Variants in TOMM40 observed in about 807,000 individuals in gnomAD.
TOMM40 encodes the protein translocase of outer mitochondrial membrane 40, also known as mitochondrial import receptor subunit TOM40 homolog.
In TOMM40, 9 loss-of-function variants were observed where a neutral mutation model predicts 38.4. The observed-to-expected ratio is 0.23, with a 90% confidence interval of 0.14 to 0.41. The LOEUF (loss-of-function observed/expected upper bound fraction) is 0.41. Among genes scored for constraint, TOMM40 ranks in the 10% least tolerant of loss-of-function variants. TOMM40 has a pLI of 1.00. For missense variants in TOMM40, 299 were observed against 486.5 expected, an observed-to-expected ratio of 0.61 and a Z score of 3.63; for synonymous variants, 184 against 210.0, an observed-to-expected ratio of 0.88 and a Z score of 1.07.
chr19:44,901,454 T>C, intron 8 of TOMM40, 144 bp downstream of exon 8: 1 of 1,478,456 alleles, frequency 6.8e-7, no homozygotes, highest in Non-Finnish European at 9.0e-7. Flanking sequence ...TGTTAAAAGG[T>C]AGGTGGGGCC....
intron 5 of TOMM40, among the ~76,000 whole-genome samples, chr19:44,898,525 C>CTTTTTTTTTT (rs71173106): frequency 6.2e-4 from 55 of 88,998 alleles, no homozygotes; most frequent in East Asian, 9.6e-4. Flanking sequence ...TTTTTTTTTT[C>CTTTTTTTTTT]TTTTTTTTTT....
intron 5 of TOMM40, among the ~76,000 whole-genome samples, chr19:44,895,459 A>C (rs157590): frequency 0.59 from 89,369 of 151,798 alleles, 28,236 homozygotes; most frequent in African/African-American, 0.84. Flanking sequence ...AGGAAGAAAC[A>C]TTTCCTGTCC....
intron 1 of TOMM40, among the ~76,000 whole-genome samples, chr19:44,892,144 C>T (rs1245305758): frequency 6.6e-6 from 1 of 152,180 alleles, no homozygotes; most frequent in East Asian, 1.9e-4. Flanking sequence ...TGGGACAATT[C>T]TGTGTGGTGA....
intron 5 of TOMM40, among the ~76,000 whole-genome samples, chr19:44,895,978 C>G (rs1969557610): frequency 6.6e-6 from 1 of 152,226 alleles, no homozygotes; most frequent in Non-Finnish European, 1.5e-5. Context: ...CTTGCGTGCG[C>G]ATGTCGCCCT....
intron 2 of TOMM40, 73 bp downstream of exon 2, chr19:44,892,533 C>T: frequency 7.3e-7 from 1 of 1,363,882 alleles, no homozygotes; most frequent in Admixed American, 1.7e-5. Context: ...GCACACTCGG[C>T]CCAATTACTC....
chr19:44,903,134 A>C lies in TOMM40; in HGVS notation c.1051A>C (p.Lys351Gln). Residue 351 changes from lysine (K) to glutamine (Q), a missense_variant, in exon 9 of 9, where the codon AAG becomes CAG. Transcript: ENST00000426677. ...LGAFLNHRKN[K>Q]FQCGFGLTIG ...GGCCTTCCTGAATCACCGCAAGAAC[A>C]AGTTTCAGTGTGGCTTTGGCCTCAC... is the stretch of plus-strand genomic sequence containing the variant. 1 of 1,611,968 alleles carries C rather than the reference A, an allele frequency of 6.2e-7. No individual in the cohort carries two copies. The highest frequency in any genetic ancestry group is 8.5e-7 in the Non-Finnish European group (1 of 1,179,866).
chr19:44,891,803 A>G, intron 1 of TOMM40, 114 bp downstream of exon 1: 1 of 1,127,778 alleles, frequency 8.9e-7, no homozygotes, highest in Non-Finnish European at 1.2e-6. Context: ...TAACAGCACT[A>G]GGAGGTGATG....
chr19:44,897,637 C>T (rs951827180), intron 5 of TOMM40, among the ~76,000 whole-genome samples: 5 of 151,516 alleles, frequency 3.3e-5, no homozygotes, highest in South Asian at 2.1e-4. Flanking sequence ...ATTTTTGCGT[C>T]GTGGCACATG....
intron 3 of TOMM40, 81 bp from the exon 4 acceptor site, chr19:44,893,699 C>T: frequency 4.9e-6 from 6 of 1,223,508 alleles, no homozygotes; most frequent in Non-Finnish European, 6.9e-6. Flanking sequence ...GCTTTCTGAC[C>T]CTAGGCTTCT....
intron 7 of TOMM40, 21 bp from the exon 8 acceptor site, chr19:44,901,187 G>A (rs1192566868): frequency 6.2e-6 from 10 of 1,613,930 alleles, no homozygotes; most frequent in Non-Finnish European, 8.5e-6. Context: ...TAATTCTCAT[G>A]TGTTGCTCCG....
At chr19:44,901,520 AG>A in intron 8 of TOMM40, 1 of 1,329,772 alleles carries the variant, frequency 7.5e-7, no homozygotes, top group Non-Finnish European at 1.0e-6. Flanking sequence ...AGGCGGGCCG[AG>A]GTAAGGAGAT....
chr19:44,894,259 G>GTT (rs758995679), intron 5 of TOMM40, among the ~76,000 whole-genome samples, 193 bp downstream of exon 5: 2 of 91,418 alleles, frequency 2.2e-5, no homozygotes, highest in Admixed American at 1.1e-4. Context: ...AGTCAGAGCA[G>GTT]TCTTTTTTTT....
chr19:44,895,854 C>T lies in TOMM40; in HGVS notation c.643+1788C>T, dbSNP rs142881549. Reference sequence around the variant, plus strand: ...GAGCCACCGCGCCCGGCCGACCATGCAAGCTTTTCTGACGGTTCCTGAAAC... The same window carrying T: ...GAGCCACCGCGCCCGGCCGACCATGTAAGCTTTTCTGACGGTTCCTGAAAC... On this transcript the variant is annotated intron_variant, in intron 5 of 8. Transcript: ENST00000426677. Among the ~76,000 whole-genome samples, 10 of 152,258 alleles carry T rather than the reference C, an allele frequency of 6.6e-5. No homozygotes were observed. The East Asian group carries it at 1.9e-3, about 29-fold the overall frequency.
chr19:44,891,904 A>G (rs1452275650), intron 1 of TOMM40, among the ~76,000 whole-genome samples: 1 of 152,136 alleles, frequency 6.6e-6, no homozygotes, highest in African/African-American at 2.4e-5. Context: ...CAGTAGAGAA[A>G]AGCCTTTAGG....
chr19:44,902,993 A>C, intron 8 of TOMM40, 37 bp from the exon 9 acceptor site: 1 of 1,598,450 alleles, frequency 6.3e-7, no homozygotes, highest in Non-Finnish European at 8.5e-7. Flanking sequence ...ATATGGTGGG[A>C]AGCTGGCACG....
chr19:44,892,568 A>G, intron 2 of TOMM40, 108 bp downstream of exon 2: 3 of 1,084,722 alleles, frequency 2.8e-6, no homozygotes, highest in African/African-American at 1.6e-5. Context: ...GGGCTCCCTG[A>G]TACTTGAAAA....
intron 5 of TOMM40, among the ~76,000 whole-genome samples, chr19:44,896,740 A>G (rs1381739673): frequency 6.6e-6 from 1 of 152,114 alleles, no homozygotes; most frequent in Non-Finnish European, 1.5e-5. Flanking sequence ...GCAGTGACCG[A>G]GACAGCCCAT....
chr19:44,896,396 A>G (rs1969566784), intron 5 of TOMM40, among the ~76,000 whole-genome samples: 1 of 152,254 alleles, frequency 6.6e-6, no homozygotes, highest in African/African-American at 2.4e-5. Context: ...CTTGGGCACA[A>G]TAGAAGCAAC....
chr19:44,902,206 ACT>A (rs1268574353), intron 8 of TOMM40: 1 of 151,712 alleles, frequency 6.6e-6, no homozygotes, highest in African/African-American at 2.4e-5. Context: ...TCTGCACTTG[ACT>A]CTCTTATTTT....
Sources: gnomAD v4.1 joint callset for allele counts (sites outside exome capture counted in the v4.1 genomes callset) on GRCh38, gnomAD v4.1.1 for gene constraint, MANE v1.5 for transcripts, NCBI Gene and HGNC (gene_info 2026-07-23, HGNC 2026-07-21) for gene names.